GIT2: variants seen among roughly 807,000 people sequenced by gnomAD.
GIT2 encodes GIT ArfGAP 2.
Under a neutral mutation model 100.3 loss-of-function variants are expected in GIT2, and 32 were observed. The ratio of observed to expected loss-of-function variants is 0.32; its 90% confidence interval spans 0.24 to 0.43. The LOEUF (loss-of-function observed/expected upper bound fraction) is 0.43. GIT2 is among the 20% of genes least tolerant of loss of function. The pLI, the probability that GIT2 is intolerant of heterozygous loss-of-function variation, is 1.00. For missense variants in GIT2, 737 were observed against 975.1 expected, an observed-to-expected ratio of 0.76 and a Z score of 3.25; for synonymous variants, 353 against 364.1, an observed-to-expected ratio of 0.97 and a Z score of 0.35.
Position 109,947,526 on chromosome 12 carries a change from G to A in GIT2, c.1393-22C>T. On this transcript the variant is annotated intron_variant, in intron 14 of 19. Coordinates refer to ENST00000355312, the MANE Select transcript of GIT2 (RefSeq NM_057169.5). This position sits in a 1 kb window ranked among gnomAD's most constrained non-coding sequence, Gnocchi z 4.3. ...GAAGCTGAAAGAAATGTTTGGCAGT[G>A]GGACTGTGTTTTTTTACAGCAAGCA... 2 of 1,602,802 alleles carry A rather than the reference G, an allele frequency of 1.2e-6. No individual in the cohort carries two copies. Among genetic ancestry groups the A allele is most frequent in the African/African-American group, 1.3e-5 (1 of 74,504 alleles).
At chr12:109,966,376 G>A (rs1882399293) in intron 8 of GIT2, among the ~76,000 whole-genome samples, 1 of 151,718 alleles carries the variant, frequency 6.6e-6, no homozygotes, top group South Asian at 2.1e-4. Flanking sequence ...TGGTGTGGTG[G>A]CACACACCCA....
chr12:109,956,166 G>T (rs1241957195), intron 12 of GIT2, among the ~76,000 whole-genome samples: 1 of 152,042 alleles, frequency 6.6e-6, no homozygotes, highest in Non-Finnish European at 1.5e-5. Context: ...TCCTGACCTC[G>T]TGATCAGCCC....
Position 109,981,211 on chromosome 12 carries a change from C to G in GIT2, c.624-165G>C, listed in dbSNP as rs1593123693. 3.5e-5 allele frequency: 21 copies of G among 591,846 alleles called. No individual in the cohort carries two copies. In the East Asian group the frequency reaches 5.8e-4, roughly 16 times the overall value. The allele number at this position is 591,846 out of a possible 1,614,324, so 36.7% of individuals were successfully genotyped here. A position where few individuals can be genotyped will look rare whatever the true frequency, so the allele number is the denominator to read the frequency against. On this transcript the variant is annotated intron_variant, in intron 6 of 19. Transcript: ENST00000355312. ...AGATTTCTGAAGTCTACTTTGCATC[C>G]CACTTTTATAAACTGTTTTCACCAT...
intron 7 of GIT2, among the ~76,000 whole-genome samples, chr12:109,977,693 G>A (rs946184138): frequency 6.6e-6 from 1 of 151,816 alleles, no homozygotes; most frequent in African/African-American, 2.4e-5. Context: ...ATGGTGGCAG[G>A]CACGTGTAAT....
Position 109,941,822 on chromosome 12 carries a change from ATT to A in GIT2, c.1732-2577_1732-2576del, listed in dbSNP as rs199632899. Among the ~76,000 whole-genome samples, 8 of 146,998 alleles carry A rather than the reference ATT, an allele frequency of 5.4e-5. 1 individual carries two copies. Reference sequence around the variant, plus strand: ...AGGTGTGAGCCACCGCACCCTGCCAATTTTTTTTCTTTTTTTTTTTTGAGACA... The same window carrying A: ...AGGTGTGAGCCACCGCACCCTGCCAATTTTTTCTTTTTTTTTTTTGAGACA... On this transcript the variant is annotated intron_variant, in intron 16 of 19. Transcript: ENST00000355312.
At position 109,931,360 on chromosome 12, in the gene GIT2, C is replaced by T. The variant is rs1201018635; in HGVS notation, c.*1618G>A. 1.3e-5 allele frequency: 2 copies of T among 152,214 alleles called. No individual in the cohort carries two copies. The highest frequency in any genetic ancestry group is 6.5e-5 in the Admixed American group (1 of 15,280). The allele number at this position is 152,214 out of a possible 1,614,324, so 9.4% of individuals were successfully genotyped here. On this transcript the variant is annotated 3_prime_UTR_variant, in exon 20 of 20. Coordinates refer to ENST00000355312, the MANE Select transcript of GIT2 (RefSeq NM_057169.5). ...CCAGGTGTGTCCGGGGAAGCCAGGC[C>T]CTCACACTGCACAGCTTACAGGGCC...
At chr12:109,949,941 G>C (rs889101946) in intron 14 of GIT2, among the ~76,000 whole-genome samples, 1 of 152,138 alleles carries the variant, frequency 6.6e-6, no homozygotes, top group African/African-American at 2.4e-5. Context: ...TATGACAAAG[G>C]GGCTCTCGGT....
Position 109,991,914 on chromosome 12 carries a change from G to A in GIT2, c.53-154C>T. ...CATCAGGCTGGTCATCTTGTTGGATGGTATGACCTACCTTGGCTGATTAGG... is the reference window on the plus strand; with the variant it reads ...CATCAGGCTGGTCATCTTGTTGGATAGTATGACCTACCTTGGCTGATTAGG... On this transcript the variant is annotated intron_variant, in intron 1 of 19. Transcript: ENST00000355312. 1.1e-5 allele frequency: 7 copies of A among 614,282 alleles called. No homozygotes were observed. In the South Asian group the frequency reaches 1.2e-4, roughly 11 times the overall value. 38.1% of individuals were successfully genotyped at this position (614,282 alleles called of 1,614,324 possible).
At chr12:110,000,014 A>T (rs1021413360), upstream of GIT2, among the ~76,000 whole-genome samples, 8 of 152,252 alleles carry the variant, frequency 5.3e-5, no homozygotes, top group Non-Finnish European at 7.4e-5. Context: ...GTGGGTAGGT[A>T]CTGTTACTTT....
chr12:109,947,367 A>G lies in GIT2; in HGVS notation c.1530T>C (p.Ser510=). 6.2e-7 allele frequency: 1 copy of G among 1,614,104 alleles called. No individual in the cohort carries two copies. Among genetic ancestry groups the G allele is most frequent in the Non-Finnish European group, 8.5e-7 (1 of 1,179,988 alleles). ...SLKRRPSARG[S]RPMSMYETGS... ...CGGTCTCGTACATGGACATGGGCCT[A>G]CTGCCCCGGGCAGACGGACGTCTCT... is the stretch of plus-strand genomic sequence containing the variant. Residue 510 remains serine, a synonymous_variant, in exon 15 of 20, where the codon AGT becomes AGC. Transcript: ENST00000355312. This position sits in a 1 kb window ranked among gnomAD's most constrained non-coding sequence, Gnocchi z 4.3.
In GIT2 at chr12:109,961,784, A is replaced by G. The variant is rs145053897; in HGVS notation, c.817-99T>C. On this transcript the variant is annotated intron_variant, in intron 9 of 19. Transcript: ENST00000355312. ...GTCACCCTTTTATTGCCTACGTCTTATCCAATGCCAGTGCTTGGTACATAC... is the reference window on the plus strand; with the variant it reads ...GTCACCCTTTTATTGCCTACGTCTTGTCCAATGCCAGTGCTTGGTACATAC... 122 of 756,484 alleles carry G rather than the reference A, an allele frequency of 1.6e-4. No homozygotes were observed. The African/African-American group carries it at 2.0e-3, about 13-fold the overall frequency. 46.9% of individuals were successfully genotyped at this position (756,484 alleles called of 1,614,324 possible).
intron 4 of GIT2, among the ~76,000 whole-genome samples, chr12:109,984,271 G>A (rs1355661205): frequency 6.6e-6 from 1 of 151,958 alleles, no homozygotes; most frequent in East Asian, 2.0e-4. Context: ...TTAGTTGGGT[G>A]TGGTGGCATG....
In GIT2 at chr12:109,948,798, C is replaced by T; in HGVS notation, c.1393-1294G>A. 3 of 1,599,280 alleles carry T rather than the reference C, an allele frequency of 1.9e-6. No homozygotes were observed. Among genetic ancestry groups the T allele is most frequent in the Non-Finnish European group, 1.7e-6 (2 of 1,174,758 alleles). ...AGAAAGCACCAATCTGTGAAAAATA[C>T]ACCAATAGTAGTTGCTCCTCTTCAT... On this transcript the variant is annotated intron_variant, in intron 14 of 19. Transcript: ENST00000355312. The surrounding 1 kb of genome is among the most constrained non-coding windows in gnomAD (Gnocchi z 4.3).
intron 8 of GIT2, among the ~76,000 whole-genome samples, chr12:109,966,054 G>C (rs1448502203): frequency 2.0e-5 from 3 of 147,800 alleles, no homozygotes; most frequent in South Asian, 4.3e-4. Flanking sequence ...GGAGTGCAGT[G>C]GCGCAATCTC....
At chr12:109,996,041 C>A (rs1889350072) in intron 1 of GIT2, 132 bp downstream of exon 1, 2 of 591,388 alleles carry the variant, frequency 3.4e-6, no homozygotes, top group Non-Finnish European at 5.6e-6. Flanking sequence ...ACGGTTCCCA[C>A]CCCAAGGCCG....
chr12:109,959,762 C>T, intron 12 of GIT2, 85 bp downstream of exon 12: 1 of 783,840 alleles, frequency 1.3e-6, no homozygotes, highest in Non-Finnish European at 2.2e-6. Flanking sequence ...ATGTTGATGA[C>T]TGCTTTAATT....
intron 4 of GIT2, among the ~76,000 whole-genome samples, chr12:109,987,733 GC>G (rs1887663745): frequency 6.6e-6 from 1 of 152,136 alleles, no homozygotes; most frequent in Non-Finnish European, 1.5e-5. Context: ...CTCCCAAAGT[GC>G]TGGGATTACA....
chr12:109,966,654 C>CAAAAA (rs201735448), intron 8 of GIT2, among the ~76,000 whole-genome samples: 1 of 143,260 alleles, frequency 7.0e-6, no homozygotes, highest in African/African-American at 2.6e-5. Flanking sequence ...TCTACCAAAG[C>CAAAAA]AAAAAAAAAC....
At position 109,962,784 on chromosome 12, in the gene GIT2, A is replaced by G. The variant is rs1881400890; in HGVS notation, c.817-1099T>C. ...ATCCACACATGGTACCTCACACTTT[A>G]AAAGTGGCCAGAAAAGAGGCACTGG... On this transcript the variant is annotated intron_variant, in intron 9 of 19. Coordinates refer to ENST00000355312, the MANE Select transcript of GIT2 (RefSeq NM_057169.5). This position sits in a 1 kb window ranked among gnomAD's most constrained non-coding sequence, Gnocchi z 4.3. 1.3e-5 allele frequency among the ~76,000 whole-genome samples: 2 copies of G among 152,236 alleles called. No individual in the cohort carries two copies. The highest frequency in any genetic ancestry group is 4.1e-4 in the South Asian group (2 of 4,832).
Sources: gnomAD v4.1 joint callset for allele counts (sites outside exome capture counted in the v4.1 genomes callset) on GRCh38, gnomAD v4.1.1 for gene constraint, Gnocchi (gnomAD v3.1) non-coding constraint, MANE v1.5 for transcripts, NCBI Gene and HGNC (gene_info 2026-07-23, HGNC 2026-07-21) for gene names.